MSRA: variants seen among roughly 807,000 people sequenced by gnomAD.
MSRA encodes methionine sulfoxide reductase A.
In MSRA, 54 loss-of-function variants were observed where a neutral mutation model predicts 31.3. The observed-to-expected ratio is 1.73, with a 90% confidence interval of 1.39 to 2.17. The LOEUF (loss-of-function observed/expected upper bound fraction) is 2.17, where lower values mean the gene tolerates loss of function less well. MSRA is among the 30% of genes most tolerant of loss of function. The probability of loss-of-function intolerance (pLI) is 0.00; values close to 1 mark genes in which losing one functional copy is unlikely to be tolerated. For missense variants in MSRA, 507 were observed against 300.9 expected (o/e 1.69, Z -5.07); for synonymous variants, 169 against 116.5 (o/e 1.45, Z -2.90).
intron 2 of MSRA, among the ~76,000 whole-genome samples, chr8:10,220,631 T>A (rs1268243152): frequency 6.6e-6 from 1 of 152,248 alleles, no homozygotes; most frequent in East Asian, 1.9e-4. Context: ...TCCAGTTTCC[T>A]AATTTCCATA....
chr8:10,412,698 C>G (rs1373156216), intron 5 of MSRA, among the ~76,000 whole-genome samples: 2 of 152,132 alleles, frequency 1.3e-5, no homozygotes, highest in Non-Finnish European at 2.9e-5. Context: ...ATACAGAAGG[C>G]AAATAGGAAC....
intron 2 of MSRA, among the ~76,000 whole-genome samples, chr8:10,224,125 C>G (rs758882391): frequency 2.0e-5 from 3 of 152,138 alleles, no homozygotes; most frequent in African/African-American, 7.2e-5. Context: ...GGTGGTGATG[C>G]GCACATCATA....
chr8:10,230,976 G>A (rs113536795), intron 2 of MSRA, among the ~76,000 whole-genome samples: 2 of 152,060 alleles, frequency 1.3e-5, no homozygotes, highest in Non-Finnish European at 2.9e-5. Flanking sequence ...GTAGAGATAG[G>A]GTTTCACCGT....
intron 5 of MSRA, among the ~76,000 whole-genome samples, chr8:10,345,375 G>C (rs1017763643): frequency 1.3e-5 from 2 of 152,154 alleles, no homozygotes; most frequent in African/African-American, 4.8e-5. Flanking sequence ...TATTTTCCAT[G>C]TCACATCCAT....
intron 1 of MSRA, among the ~76,000 whole-genome samples, chr8:10,094,914 T>C (rs796365955): frequency 4.6e-5 from 7 of 152,338 alleles, no homozygotes; most frequent in African/African-American, 1.7e-4. Context: ...TCCTTTTTAT[T>C]GTTATTTGTT....
At position 10,428,373 on chromosome 8, in the gene MSRA, A is replaced by C; in HGVS notation, c.*61A>C. On this transcript the variant is annotated 3_prime_UTR_variant, in exon 6 of 6. Coordinates refer to ENST00000317173, the MANE Select transcript of MSRA (RefSeq NM_012331.5). ...AAAAATGCTTTCAACAAATTGGGCA[A>C]TGCTTGTGTGATTCACAATCGTGGC... 6.5e-7 allele frequency: 1 copy of C among 1,543,910 alleles called. No homozygotes were observed. The highest frequency in any genetic ancestry group is 8.9e-7 in the Non-Finnish European group (1 of 1,126,700).
At chr8:10,122,722 T>A (rs1801218208) in intron 1 of MSRA, among the ~76,000 whole-genome samples, 1 of 152,116 alleles carries the variant, frequency 6.6e-6, no homozygotes, top group Non-Finnish European at 1.5e-5. Flanking sequence ...GTGTCTTTTG[T>A]TCCCATCTTT....
chr8:10,054,572 C>A lies in MSRA; in HGVS notation c.56C>A (p.Pro19His). 1 of 1,587,164 alleles carries A rather than the reference C, an allele frequency of 6.3e-7. No homozygotes were observed. The highest frequency in any genetic ancestry group is 2.4e-5 in the East Asian group (1 of 41,178). The part of the protein sequence containing the change: ...CQLLLLHSLF[P>H]VPRMGNSASN... ...CTCCTCCTCCTCCACAGCCTCTTTC[C>A]CGTCCCGAGGATGGGCAACTCGGCC... Residue 19 changes from proline (P) to histidine (H), a missense_variant, in exon 1 of 6, where the codon CCC (proline) becomes CAC (histidine). Physicochemically the swap from Pro to His is moderately conservative, Grantham distance 77. Transcript: ENST00000317173.
At chr8:10,283,830 T>TACACACAC (rs1170038638) in intron 3 of MSRA, among the ~76,000 whole-genome samples, 2 of 65,326 alleles carry the variant, frequency 3.1e-5, no homozygotes, top group African/African-American at 5.4e-5. Context: ...TATATATATA[T>TACACACAC]ATATATACAC....
chr8:10,187,699 T>G (rs1188449262), intron 1 of MSRA, among the ~76,000 whole-genome samples: 1 of 152,242 alleles, frequency 6.6e-6, no homozygotes, highest in Non-Finnish European at 1.5e-5. Flanking sequence ...AATAGTTATT[T>G]GCTATTATTG....
chr8:10,349,975 A>T (rs918547398), intron 5 of MSRA, among the ~76,000 whole-genome samples: 17 of 152,264 alleles, frequency 1.1e-4, no homozygotes, highest in African/African-American at 4.1e-4. Context: ...TTTGCCTTCC[A>T]GCTACCGCTG....
intron 5 of MSRA, among the ~76,000 whole-genome samples, chr8:10,408,896 T>C (rs1399586696): frequency 1.3e-5 from 2 of 152,210 alleles, no homozygotes; most frequent in East Asian, 1.9e-4. Context: ...AAAGACATGA[T>C]TGTCTTCTTT....
intron 5 of MSRA, chr8:10,353,603 C>G (rs1166850718): frequency 6.6e-6 from 3 of 456,166 alleles, no homozygotes; most frequent in Non-Finnish European, 1.3e-5. Flanking sequence ...TCTAGCTATG[C>G]CTTTTCCTTT....
intron 1 of MSRA, among the ~76,000 whole-genome samples, chr8:10,201,800 G>T (rs533253508): frequency 6.6e-6 from 1 of 152,176 alleles, no homozygotes; most frequent in South Asian, 2.1e-4. Flanking sequence ...CAAGCACTGC[G>T]CTCTCAAGAT....
chr8:10,293,301 C>G (rs970293759), intron 3 of MSRA, among the ~76,000 whole-genome samples: 4 of 152,174 alleles, frequency 2.6e-5, no homozygotes, highest in Non-Finnish European at 5.9e-5. Context: ...TCATGAGCCA[C>G]TTTGTGGCTT....
chr8:10,120,361 A>G (rs909125496), intron 1 of MSRA, among the ~76,000 whole-genome samples: 7 of 151,938 alleles, frequency 4.6e-5, no homozygotes, highest in African/African-American at 1.7e-4. Context: ...GTTATTTGGA[A>G]GAGGTATCAC....
At chr8:10,135,280 G>A (rs1802192956) in intron 1 of MSRA, among the ~76,000 whole-genome samples, 2 of 152,248 alleles carry the variant, frequency 1.3e-5, no homozygotes, top group Non-Finnish European at 2.9e-5. Flanking sequence ...GCAGAGTGGT[G>A]AGGAGAAAGT....
At chr8:10,324,896 C>T (rs1174587236) in intron 5 of MSRA, among the ~76,000 whole-genome samples, 1 of 152,200 alleles carries the variant, frequency 6.6e-6, no homozygotes, top group Non-Finnish European at 1.5e-5. Flanking sequence ...GTTGATTCTG[C>T]ACTTCTGAGC....
intron 1 of MSRA, among the ~76,000 whole-genome samples, chr8:10,128,900 G>T (rs1801690312): frequency 6.6e-6 from 1 of 152,180 alleles, no homozygotes; most frequent in Admixed American, 6.5e-5. Context: ...ATTTTTTCCA[G>T]GAGAGGAGTT....
Sources: gnomAD v4.1 joint callset for allele counts (sites outside exome capture counted in the v4.1 genomes callset) on GRCh38, gnomAD v4.1.1 for gene constraint, MANE v1.5 for transcripts, NCBI Gene and HGNC (gene_info 2026-07-23, HGNC 2026-07-21) for gene names.